TRAF5: variants seen among roughly 807,000 people sequenced by gnomAD.
The protein encoded by TRAF5 is TNF receptor-associated factor 5.
In TRAF5, 48 loss-of-function variants were observed where a neutral mutation model predicts 64.5. That is an observed-to-expected ratio of 0.74 (90% CI 0.59 to 0.95). The LOEUF is 0.95. Among genes scored for constraint, TRAF5 ranks in the 40% least tolerant of loss-of-function variants. The pLI, the probability that TRAF5 is intolerant of heterozygous loss-of-function variation, is 0.00. For missense variants in TRAF5, 545 were observed against 662.8 expected (o/e 0.82, Z 1.95); for synonymous variants, 206 against 240.5 (o/e 0.86, Z 1.33).
intron 9 of TRAF5, among the ~76,000 whole-genome samples, chr1:211,370,891 G>A (rs1703499141): frequency 6.6e-6 from 1 of 152,180 alleles, no homozygotes; most frequent in Admixed American, 6.5e-5. Context: ...GCCAGAACAG[G>A]TGGGCGTATT....
intron 1 of TRAF5, among the ~76,000 whole-genome samples, chr1:211,339,157 A>G (rs1024683026): frequency 6.6e-6 from 1 of 152,202 alleles, no homozygotes; most frequent in Admixed American, 6.5e-5. Context: ...TTGTTTAACA[A>G]CTTGAGGCCT....
At chr1:211,365,573 A>G (rs1703326555) in intron 8 of TRAF5, 105 bp downstream of exon 8, 1 of 877,044 alleles carries the variant, frequency 1.1e-6, no homozygotes, top group Non-Finnish European at 1.7e-6. Flanking sequence ...GTATAAGTCA[A>G]TTAGAGGTAG....
intron 1 of TRAF5, among the ~76,000 whole-genome samples, chr1:211,339,564 T>C (rs1226950484): frequency 6.6e-6 from 1 of 152,166 alleles, no homozygotes; most frequent in Admixed American, 6.5e-5. Flanking sequence ...ACTCCCCCAG[T>C]TCTACCTACT....
intron 1 of TRAF5, among the ~76,000 whole-genome samples, chr1:211,348,551 C>T (rs1023378557): frequency 4.0e-5 from 6 of 151,804 alleles, no homozygotes; most frequent in Non-Finnish European, 8.8e-5. Context: ...AAGTCATTGT[C>T]AAACTCAAGA....
At chr1:211,337,341 C>G (rs550226865) in intron 1 of TRAF5, among the ~76,000 whole-genome samples, 1 of 152,252 alleles carries the variant, frequency 6.6e-6, no homozygotes, top group Admixed American at 6.5e-5. Flanking sequence ...GAAAAGCAAG[C>G]AGAAGCCTCT....
chr1:211,339,751 G>A (rs1387003330), intron 1 of TRAF5, among the ~76,000 whole-genome samples: 5 of 152,160 alleles, frequency 3.3e-5, no homozygotes, highest in Admixed American at 1.3e-4. Flanking sequence ...GTAGCCCTCC[G>A]CCAGGAAGCG....
At chr1:211,340,075 G>A (rs898434685) in intron 1 of TRAF5, among the ~76,000 whole-genome samples, 5 of 151,818 alleles carry the variant, frequency 3.3e-5, no homozygotes, top group East Asian at 3.9e-4. Flanking sequence ...TCTGTAGCCC[G>A]TCTAGGGTGG....
chr1:211,351,330 C>T (rs1024075337), intron 1 of TRAF5, among the ~76,000 whole-genome samples: 2 of 152,114 alleles, frequency 1.3e-5, no homozygotes, highest in African/African-American at 4.8e-5. Context: ...CCAGCCTTCT[C>T]TGGCCTCTTC....
intron 3 of TRAF5, among the ~76,000 whole-genome samples, chr1:211,355,528 G>A (rs537631096): frequency 1.3e-5 from 2 of 152,132 alleles, no homozygotes; most frequent in South Asian, 2.1e-4. Context: ...TGCTGTACAC[G>A]CATCTTCTCT....
chr1:211,356,228 G>A (rs942500762), intron 3 of TRAF5, 139 bp from the exon 4 acceptor site: 10 of 608,786 alleles, frequency 1.6e-5, no homozygotes, highest in Admixed American at 2.8e-5. Context: ...TGGTGTAAGT[G>A]TGATATTTCC....
At chr1:211,334,795 G>T (rs902256234) in intron 1 of TRAF5, among the ~76,000 whole-genome samples, 1 of 152,204 alleles carries the variant, frequency 6.6e-6, no homozygotes, top group Non-Finnish European at 1.5e-5. Flanking sequence ...CCATCCTTGC[G>T]AGGAGAACTT....
Position 211,362,058 on chromosome 1 carries a change from C to T in TRAF5, c.696+896C>T, listed in dbSNP as rs376822133. Among the ~76,000 whole-genome samples, 41 of 105,874 alleles carry T rather than the reference C, an allele frequency of 3.9e-4. 1 individual carries two copies. The highest frequency in any genetic ancestry group is 9.8e-3 in the Middle Eastern group (2 of 204). The allele number at this position is 105,874 out of a possible 152,430, so 69.5% of individuals were successfully genotyped here. ...TTGGGAACCTTCTGGGGTTACTCCTCTCATGATTACAAATCCTGGTTTTAT... is the reference window on the plus strand; with the variant it reads ...TTGGGAACCTTCTGGGGTTACTCCTTTCATGATTACAAATCCTGGTTTTAT... On this transcript the variant is annotated intron_variant, in intron 7 of 10. Coordinates refer to ENST00000261464, the MANE Select transcript of TRAF5 (RefSeq NM_001033910.3).
In TRAF5 at chr1:211,374,692, C is replaced by A. The variant is rs1437444465; in HGVS notation, c.*1990C>A. On this transcript the variant is annotated 3_prime_UTR_variant, in exon 11 of 11. Coordinates refer to ENST00000261464, the MANE Select transcript of TRAF5 (RefSeq NM_001033910.3). Reference sequence around the variant, plus strand: ...GTTTGTTTTTAATATTCATCATATCCAAGTTCACTCTGTCTTCCTGAGCAG... The same window carrying A: ...GTTTGTTTTTAATATTCATCATATCAAAGTTCACTCTGTCTTCCTGAGCAG... 6.6e-6 allele frequency: 1 copy of A among 152,152 alleles called. No individual in the cohort carries two copies. Among genetic ancestry groups the A allele is most frequent in the African/African-American group, 2.4e-5 (1 of 41,410 alleles). The allele number at this position is 152,152 out of a possible 1,614,324, so 9.4% of individuals were successfully genotyped here.
chr1:211,346,227 G>A (rs934187478), intron 1 of TRAF5: 3 of 347,398 alleles, frequency 8.6e-6, no homozygotes, highest in Non-Finnish European at 1.2e-5. Flanking sequence ...GTTCTTTGTC[G>A]AAATCTCTGT....
intron 1 of TRAF5, among the ~76,000 whole-genome samples, chr1:211,341,917 A>G (rs1420741242): frequency 6.6e-6 from 1 of 152,250 alleles, no homozygotes; most frequent in East Asian, 1.9e-4. Context: ...CATGTCAGGC[A>G]GTCAGGTTAT....
rs774070020 is a variant in TRAF5, at chr1:211,372,214, C to T, written c.1186C>T (p.Leu396=). Residue 396 remains leucine, a synonymous_variant, in exon 11 of 11, where the codon CTG becomes TTG. Transcript: ENST00000261464. ...GAGTAAAAATGAAGAGCGATTTAAACTGCTGGAGGGTACTTGCTATAATGG... is the reference window on the plus strand; with the variant it reads ...GAGTAAAAATGAAGAGCGATTTAAATTGCTGGAGGGTACTTGCTATAATGG... ...QLSKNEERFK[L]LEGTCYNGKL... 1 of 1,609,594 alleles carries T rather than the reference C, an allele frequency of 6.2e-7. No individual in the cohort carries two copies. Among genetic ancestry groups the T allele is most frequent in the African/African-American group, 1.3e-5 (1 of 74,238 alleles).
chr1:211,326,983 T>C lies in TRAF5; in HGVS notation c.-2+94T>C. On this transcript the variant is annotated intron_variant, in intron 1 of 10. Coordinates refer to ENST00000261464, the MANE Select transcript of TRAF5 (RefSeq NM_001033910.3). The surrounding 1 kb of genome is among the most constrained non-coding windows in gnomAD (Gnocchi z 5.0). Reference sequence around the variant, plus strand: ...CGCTTTTCATCTCGTCCCAGTTACTTTGAAACCGAAAGCGCCTGCTGGCGT... The same window carrying C: ...CGCTTTTCATCTCGTCCCAGTTACTCTGAAACCGAAAGCGCCTGCTGGCGT... 1.1e-6 allele frequency: 1 copy of C among 950,804 alleles called. No homozygotes were observed. Among genetic ancestry groups the C allele is most frequent in the Non-Finnish European group, 1.3e-6 (1 of 798,376 alleles). 58.9% of individuals were successfully genotyped at this position (950,804 alleles called of 1,614,324 possible).
chr1:211,356,377 A>T lies in TRAF5; in HGVS notation c.287A>T (p.Asp96Val), dbSNP rs1702965680. ...EVIKSQEVFKDNCCKREVLNL... is the reference protein window; with the variant it reads ...EVIKSQEVFKVNCCKREVLNL... ...ATGTTTATCTTTTAGGTTTTTAAAGACAATTGTTGCAAAAGAGAAGTCCTC... is the reference window on the plus strand; with the variant it reads ...ATGTTTATCTTTTAGGTTTTTAAAGTCAATTGTTGCAAAAGAGAAGTCCTC... Residue 96 changes from aspartate to valine, a missense_variant, in exon 4 of 11, where the codon GAC (aspartate) becomes GTC (valine). Asp to Val is a radical substitution (Grantham distance 152). Transcript: ENST00000261464. The T allele has an allele frequency of 1.2e-6, 2 of 1,613,670 alleles. No individual in the cohort carries two copies. The highest frequency in any genetic ancestry group is 1.7e-6 in the Non-Finnish European group (2 of 1,179,722).
chr1:211,351,107 ATC>A (rs1237194225), intron 1 of TRAF5, among the ~76,000 whole-genome samples: 3 of 148,262 alleles, frequency 2.0e-5, no homozygotes, highest in Admixed American at 1.4e-4. Flanking sequence ...GCTCACTGCA[ATC>A]TCTGCCTCCT....
Sources: allele counts gnomAD v4.1 joint callset (sites outside exome capture counted in the v4.1 genomes callset), GRCh38; gene constraint gnomAD v4.1.1; non-coding constraint Gnocchi (gnomAD v3.1); transcripts MANE v1.5; gene names NCBI Gene and HGNC (gene_info 2026-07-23, HGNC 2026-07-21).